The following DAW1 variants were observed in gnomAD, a reference collection of about 807,000 sequenced individuals.
The protein encoded by DAW1 is dynein assembly factor with WD repeat domains 1.
DAW1 carries 47 observed loss-of-function variants against 56.5 expected under a neutral mutation model. The ratio of observed to expected loss-of-function variants is 0.83; its 90% CI spans 0.66 to 1.06. The LOEUF (loss-of-function observed/expected upper bound fraction) is 1.06, where lower values mean the gene tolerates loss of function less well. Ranked by LOEUF, DAW1 falls within the 50% of genes least tolerant of loss-of-function variation. The pLI is 0.00. For synonymous variants in DAW1, 190 were observed against 179.0 expected (o/e 1.06, Z -0.49); for missense variants, 505 against 499.3 (o/e 1.01, Z -0.11).
chr2:227,889,842 T>C lies in DAW1; in HGVS notation c.114-14T>C. On this transcript the variant is annotated splice_polypyrimidine_tract_variant and intron_variant, in intron 2 of 12. Transcript: ENST00000309931. The stretch of plus-strand genomic sequence containing the variant: ...ACATAAAATAAAAGAAACTCTTTTT[T>C]GGGTGTATTTCAGCACTGATGTCAG... The C allele has an allele frequency of 6.5e-7, 1 of 1,546,840 alleles. No homozygotes were observed. Among genetic ancestry groups the C allele is most frequent in the Non-Finnish European group, 8.7e-7 (1 of 1,155,176 alleles).
At chr2:227,923,061 C>T (rs1198355708) in intron 12 of DAW1, among the ~76,000 whole-genome samples, 3 of 152,164 alleles carry the variant, frequency 2.0e-5, no homozygotes, top group African/African-American at 4.8e-5. Flanking sequence ...TTGTGCCTTG[C>T]GTTGGTGCCA....
At position 227,872,097 on chromosome 2, in the gene DAW1, G is replaced by C. The variant is rs113102184; in HGVS notation, c.40+368G>C. 1,146 of 240,216 alleles carry C rather than the reference G, an allele frequency of 4.8e-3. 20 individuals carry two copies. Among genetic ancestry groups the C allele is most frequent in the African/African-American group, 0.024 (1,078 of 44,566 alleles). The allele number at this position is 240,216 out of a possible 1,614,324, so 14.9% of individuals were successfully genotyped here. A position where few individuals can be genotyped will look rare whatever the true frequency, so the allele number is the denominator to read the frequency against. On this transcript the variant is annotated intron_variant, in intron 1 of 12. Coordinates refer to ENST00000309931, the MANE Select transcript of DAW1 (RefSeq NM_178821.3). ...AAATAAATTACTTAACTATTACTTA[G>C]TAACATAAGCAATACATTAATTACC...
intron 10 of DAW1, among the ~76,000 whole-genome samples, chr2:227,915,159 T>C (rs1691922374): frequency 6.6e-6 from 1 of 152,110 alleles, no homozygotes; most frequent in South Asian, 2.1e-4. Flanking sequence ...GCAGCACACT[T>C]TGATAAATAT....
chr2:227,883,103 A>T (rs775121068), intron 1 of DAW1, among the ~76,000 whole-genome samples: 2 of 152,240 alleles, frequency 1.3e-5, no homozygotes, highest in Non-Finnish European at 2.9e-5. Context: ...CTGAGAAACA[A>T]CATGGTTTTC....
intron 12 of DAW1, among the ~76,000 whole-genome samples, chr2:227,922,657 C>A (rs1692139821): frequency 6.6e-6 from 1 of 152,204 alleles, no homozygotes; most frequent in African/African-American, 2.4e-5. Flanking sequence ...CAGATAACTT[C>A]AGGGGTGCTG....
intron 1 of DAW1, among the ~76,000 whole-genome samples, chr2:227,876,876 G>A (rs1359748302): frequency 7.9e-5 from 12 of 152,128 alleles, no homozygotes; most frequent in Non-Finnish European, 1.5e-4. Flanking sequence ...CATTTATTGT[G>A]TGAAGTCCAT....
intron 1 of DAW1, among the ~76,000 whole-genome samples, chr2:227,883,414 T>C (rs1453210926): frequency 6.6e-6 from 1 of 152,210 alleles, no homozygotes; most frequent in Non-Finnish European, 1.5e-5. Context: ...AAATGTCCAG[T>C]GCATGATTAT....
At chr2:227,898,136 A>G (rs1376530508) in intron 5 of DAW1, 46 bp from the exon 6 acceptor site, 2 of 1,342,968 alleles carry the variant, frequency 1.5e-6, no homozygotes, top group Non-Finnish European at 2.0e-6. Flanking sequence ...AGTTTATTAT[A>G]TAATGTGTCT....
At chr2:227,871,780 G>C (rs748159867) in intron 1 of DAW1, 51 bp downstream of exon 1, 21 of 1,609,946 alleles carry the variant, frequency 1.3e-5, no homozygotes, top group Non-Finnish European at 1.4e-5. Flanking sequence ...TGGGCTCCCA[G>C]ACTGGGAGGG....
chr2:227,892,885 A>C (rs1034970946), intron 4 of DAW1, among the ~76,000 whole-genome samples: 1 of 152,188 alleles, frequency 6.6e-6, no homozygotes, highest in Non-Finnish European at 1.5e-5. Context: ...ATATTGAAGG[A>C]ATGATTAAGA....
chr2:227,876,255 C>T (rs1205420588), intron 1 of DAW1, among the ~76,000 whole-genome samples: 2 of 152,198 alleles, frequency 1.3e-5, no homozygotes, highest in Non-Finnish European at 2.9e-5. Context: ...CTCCTGACCT[C>T]GTGATCCACC....
intron 1 of DAW1, among the ~76,000 whole-genome samples, chr2:227,884,491 T>C (rs905415044): frequency 2.6e-5 from 4 of 152,218 alleles, no homozygotes; most frequent in African/African-American, 7.2e-5. Flanking sequence ...GGGCTACTTT[T>C]GCGGGCGTTG....
chr2:227,904,612 C>G (rs1691633389), intron 7 of DAW1, among the ~76,000 whole-genome samples: 1 of 152,122 alleles, frequency 6.6e-6, no homozygotes. Context: ...TCTAGTTTCC[C>G]CAAATACAAC....
intron 12 of DAW1, 23 bp downstream of exon 12, chr2:227,921,584 A>G: frequency 6.3e-7 from 1 of 1,590,934 alleles, no homozygotes; most frequent in Non-Finnish European, 8.6e-7. Flanking sequence ...TCAACACCAT[A>G]GACTCATTTT....
chr2:227,874,504 G>T (rs1228479175), intron 1 of DAW1, among the ~76,000 whole-genome samples: 1 of 152,186 alleles, frequency 6.6e-6, no homozygotes, highest in Non-Finnish European at 1.5e-5. Context: ...GTCCTTGCCT[G>T]CCTTGACCTG....
At chr2:227,917,561 AT>A (rs145465675) in intron 10 of DAW1, among the ~76,000 whole-genome samples, 1 of 151,794 alleles carries the variant, frequency 6.6e-6, no homozygotes, top group Non-Finnish European at 1.5e-5. Flanking sequence ...CGCCCAGCCG[AT>A]TTTTTTGTTT....
intron 10 of DAW1, among the ~76,000 whole-genome samples, chr2:227,909,388 T>C (rs1691765933): frequency 6.7e-6 from 1 of 148,350 alleles, no homozygotes; most frequent in Non-Finnish European, 1.5e-5. Flanking sequence ...TATTACACTA[T>C]ATATACTATG....
chr2:227,906,479 A>T (rs1230192857), intron 9 of DAW1, 141 bp downstream of exon 9: 2 of 676,388 alleles, frequency 3.0e-6, no homozygotes, highest in Non-Finnish European at 4.2e-6. Context: ...GGTAATTTTT[A>T]AAATTTCTAG....
At chr2:227,880,374 A>C (rs1690981068) in intron 1 of DAW1, among the ~76,000 whole-genome samples, 2 of 132,160 alleles carry the variant, frequency 1.5e-5, no homozygotes, top group Admixed American at 1.7e-4. Context: ...AATATGACAC[A>C]AACAGTCTTT....
Sources: gnomAD v4.1 joint callset for allele counts (sites outside exome capture counted in the v4.1 genomes callset) on GRCh38, gnomAD v4.1.1 for gene constraint, MANE v1.5 for transcripts, NCBI Gene and HGNC (gene_info 2026-07-23, HGNC 2026-07-21) for gene names.